ARGFX: variants seen among roughly 807,000 people sequenced by gnomAD.
ARGFX encodes the protein arginine-fifty homeobox.
ARGFX carries 10 observed loss-of-function variants against 8.0 expected under a neutral mutation model. The observed-to-expected ratio is 1.25, with a 90% confidence interval of 0.77 to 2.12. The LOEUF (loss-of-function observed/expected upper bound fraction) is 2.12. Ranked by LOEUF, ARGFX falls within the 30% of genes most tolerant of loss-of-function variation. ARGFX has a pLI of 0.00. For synonymous variants in ARGFX, 116 were observed against 117.8 expected (o/e 0.98, Z 0.10); for missense variants, 282 against 324.3 (o/e 0.87, Z 1.00).
chr3:121,572,071 A>T (rs1033705723), intron 2 of ARGFX, among the ~76,000 whole-genome samples: 3 of 151,672 alleles, frequency 2.0e-5, no homozygotes, highest in African/African-American at 7.3e-5. Context: ...ACCTCTGGTG[A>T]TCCACCTGCC....
intron 3 of ARGFX, among the ~76,000 whole-genome samples, chr3:121,584,178 T>TA (rs1255769684): frequency 7.8e-6 from 1 of 127,830 alleles, no homozygotes; most frequent in Non-Finnish European, 1.6e-5. Flanking sequence ...ACCCCGTCTC[T>TA]AAAAAAAGAG....
intron 3 of ARGFX, among the ~76,000 whole-genome samples, chr3:121,579,808 C>T (rs1328309914): frequency 1.3e-5 from 2 of 152,128 alleles, no homozygotes; most frequent in Admixed American, 6.6e-5. Flanking sequence ...CCAGCCTGGG[C>T]AACATAGCGA....
chr3:121,579,945 C>CTTTTT (rs1174620508), intron 3 of ARGFX, among the ~76,000 whole-genome samples: 534 of 91,524 alleles, frequency 5.8e-3, no homozygotes, highest in African/African-American at 7.4e-3. Flanking sequence ...CTTTTCTTTT[C>CTTTTT]TTTTTTTTTT....
At chr3:121,574,152 T>G (rs1369269265) in intron 2 of ARGFX, among the ~76,000 whole-genome samples, 3 of 152,034 alleles carry the variant, frequency 2.0e-5, no homozygotes, top group Non-Finnish European at 4.4e-5. Flanking sequence ...GCCTAGGCAA[T>G]ATAGTGAGAC....
rs1273831625 is a variant in ARGFX, at chr3:121,588,944, C to T, written c.*2344C>T. 2.6e-5 allele frequency among the ~76,000 whole-genome samples: 4 copies of T among 152,112 alleles called. No individual in the cohort carries two copies. Among genetic ancestry groups the T allele is most frequent in the Non-Finnish European group, 5.9e-5 (4 of 68,020 alleles). On this transcript the variant is annotated 3_prime_UTR_variant, in exon 5 of 5. Coordinates refer to ENST00000334384, the MANE Select transcript of ARGFX (RefSeq NM_001012659.2). ...ACAAATATGTGGATATTAAACAACACATTCCTAAATAACCAGTGGTTAAAG... is the reference window on the plus strand; with the variant it reads ...ACAAATATGTGGATATTAAACAACATATTCCTAAATAACCAGTGGTTAAAG...
At chr3:121,577,236 TA>T (rs2048744595) in intron 3 of ARGFX, among the ~76,000 whole-genome samples, 1 of 61,028 alleles carries the variant, frequency 1.6e-5, no homozygotes, top group Non-Finnish European at 3.0e-5. Flanking sequence ...CATATATATA[TA>T]TATATATATA....
rs1260057648 is a variant in ARGFX at position 121,589,425 on chromosome 3, GT to G, written c.*2826del. On this transcript the variant is annotated 3_prime_UTR_variant, in exon 5 of 5. Transcript: ENST00000334384. Reference sequence around the variant, plus strand: ...TTTTATTGAGATGGAGTCTTGCTCTGTCACCCAGGCCGTGCAATCTCGGCTC... The same window carrying G: ...TTTTATTGAGATGGAGTCTTGCTCTGCACCCAGGCCGTGCAATCTCGGCTC... Among the ~76,000 whole-genome samples, 1 of 151,976 alleles carries G rather than the reference GT, an allele frequency of 6.6e-6. No homozygotes were observed. The highest frequency in any genetic ancestry group is 6.6e-5 in the Admixed American group (1 of 15,236).
At position 121,586,048 on chromosome 3, in the gene ARGFX, A is replaced by T. The variant is rs568676138; in HGVS notation, c.396A>T (p.Lys132Asn). The change falls in exon 5 of 5, where the codon AAA becomes AAT. Residue 132 changes from lysine (K) to asparagine (N), a missense_variant. Physicochemically the swap from Lys to Asn is moderately conservative, Grantham distance 94. Transcript: ENST00000334384. The stretch of plus-strand genomic sequence containing the variant: ...TTTGGTTCAGGAACCGGCGATTCAA[A>T]TTGAAGAAGCAGCAGCAGCAGCAAT... Reference protein sequence around the residue: ...VKVWFRNRRFKLKKQQQQQSA... With the variant: ...VKVWFRNRRFNLKKQQQQQSA... 2.5e-6 allele frequency: 4 copies of T among 1,585,630 alleles called. No homozygotes were observed. The highest frequency in any genetic ancestry group is 2.6e-6 in the Non-Finnish European group (3 of 1,167,640).
chr3:121,588,477 C>CA lies in ARGFX; in HGVS notation c.*1887dup, dbSNP rs57481564. ...TGGACAACAGAGCAAGACTCTGTCT[C>CA]AAAAAAAAAATAAAAAATAAAAAAT... On this transcript the variant is annotated 3_prime_UTR_variant, in exon 5 of 5. Transcript: ENST00000334384. Among the ~76,000 whole-genome samples, 94 of 132,082 alleles carry CA rather than the reference C, an allele frequency of 7.1e-4. No individual in the cohort carries two copies. The highest frequency in any genetic ancestry group is 3.8e-3 in the Middle Eastern group (1 of 266). The allele number at this position is 132,082 out of a possible 152,430, so 86.7% of individuals were successfully genotyped here. A position where few individuals can be genotyped will look rare whatever the true frequency, so the allele number is the denominator to read the frequency against.
At chr3:121,570,881 T>C (rs901134857) in intron 2 of ARGFX, 65 bp downstream of exon 2, 1 of 1,066,804 alleles carries the variant, frequency 9.4e-7, no homozygotes, top group Non-Finnish European at 1.3e-6. Flanking sequence ...AGCCCTACAA[T>C]TGCATTTTGC....
At chr3:121,577,302 G>A (rs1228187203) in intron 3 of ARGFX, among the ~76,000 whole-genome samples, 5 of 129,146 alleles carry the variant, frequency 3.9e-5, no homozygotes, top group African/African-American at 1.2e-4. Context: ...CTCCCAGGCT[G>A]GAGTGCAGTG....
At chr3:121,570,873 C>T (rs2108833657) in intron 2 of ARGFX, 57 bp downstream of exon 2, 1 of 1,186,132 alleles carries the variant, frequency 8.4e-7, no homozygotes, top group Non-Finnish European at 1.2e-6. Context: ...TCTCATGCAG[C>T]CCTACAATTG....
chr3:121,583,453 T>C (rs2048792249), intron 3 of ARGFX, among the ~76,000 whole-genome samples: 1 of 152,080 alleles, frequency 6.6e-6, no homozygotes, highest in Non-Finnish European at 1.5e-5. Context: ...TTATTTTATT[T>C]TGAGACAGGG....
chr3:121,590,407 G>T lies in ARGFX; in HGVS notation c.*3807G>T, dbSNP rs761118731. Among the ~76,000 whole-genome samples the T allele has an allele frequency of 1.3e-5, 2 of 152,172 alleles. No individual in the cohort carries two copies. The highest frequency in any genetic ancestry group is 2.9e-5 in the Non-Finnish European group (2 of 68,034). On this transcript the variant is annotated 3_prime_UTR_variant, in exon 5 of 5. Coordinates refer to ENST00000334384, the MANE Select transcript of ARGFX (RefSeq NM_001012659.2). ...TTAGTTATCTCAGAAGTGGGTTCCTGATAAAAGGATGAGTTCGGCCTTCTT... is the reference window on the plus strand; with the variant it reads ...TTAGTTATCTCAGAAGTGGGTTCCTTATAAAAGGATGAGTTCGGCCTTCTT...
intron 2 of ARGFX, 109 bp from the exon 3 acceptor site, chr3:121,576,675 C>CTCTTTT: frequency 3.1e-6 from 1 of 320,244 alleles, no homozygotes; most frequent in Non-Finnish European, 6.0e-6. Flanking sequence ...TTCTTTCTTT[C>CTCTTTT]TCTTTCTTTT....
Position 121,584,905 on chromosome 3 carries a change from TCTGC to T in ARGFX, c.221-10_221-7del. On this transcript the variant is annotated splice_region_variant and splice_polypyrimidine_tract_variant and intron_variant, in intron 3 of 4. Coordinates refer to ENST00000334384, the MANE Select transcript of ARGFX (RefSeq NM_001012659.2). Reference sequence around the variant, plus strand: ...TAAATGTAACCACCCCTTCTTTATCTCTGCCCTGAAGCAATACGGAGAAGGCATA... The same window carrying T: ...TAAATGTAACCACCCCTTCTTTATCTCCTGAAGCAATACGGAGAAGGCATA... 1 of 1,607,058 alleles carries T rather than the reference TCTGC, an allele frequency of 6.2e-7. No homozygotes were observed. Among genetic ancestry groups the T allele is most frequent in the Non-Finnish European group, 8.5e-7 (1 of 1,177,710 alleles).
chr3:121,577,830 G>T (rs1489064295), intron 3 of ARGFX, among the ~76,000 whole-genome samples: 1 of 152,080 alleles, frequency 6.6e-6, no homozygotes, highest in Non-Finnish European at 1.5e-5. Context: ...TGTTGCCCAG[G>T]CTGGAGTGCA....
chr3:121,570,956 AG>A (rs563551116), intron 2 of ARGFX, 140 bp downstream of exon 2: 27 of 569,640 alleles, frequency 4.7e-5, no homozygotes, highest in Non-Finnish European at 7.1e-5. Context: ...CCATCATAAA[AG>A]GAGAAATACA....
intron 3 of ARGFX, among the ~76,000 whole-genome samples, chr3:121,577,519 A>G (rs1264254320): frequency 6.6e-6 from 1 of 151,598 alleles, no homozygotes. Flanking sequence ...TGGCCTCCCA[A>G]AGTGCTGGGA....
Sources: gnomAD v4.1 joint callset for allele counts (sites outside exome capture counted in the v4.1 genomes callset) on GRCh38, gnomAD v4.1.1 for gene constraint, MANE v1.5 for transcripts, NCBI Gene and HGNC (gene_info 2026-07-23, HGNC 2026-07-21) for gene names.